Variants in AP2A2 observed in about 807,000 individuals in gnomAD.
AP2A2 encodes the protein adaptor related protein complex 2 subunit alpha 2.
AP2A2 carries 32 observed loss-of-function variants against 104.2 expected under a neutral mutation model. The ratio of observed to expected loss-of-function variants is 0.31; its 90% CI spans 0.23 to 0.41. AP2A2 has a LOEUF of 0.41. Ranked by LOEUF, AP2A2 falls within the 10% of genes least tolerant of loss-of-function variation. The probability of loss-of-function intolerance (pLI) is 1.00; values close to 1 mark genes in which losing one functional copy is unlikely to be tolerated. For missense variants in AP2A2, 912 were observed against 1,261.0 expected, an observed-to-expected ratio of 0.72 and a Z score of 4.19; for synonymous variants, 539 against 533.3, an observed-to-expected ratio of 1.01 and a Z score of -0.15.
chr11:1,010,762 C>A lies in AP2A2; in HGVS notation c.*137C>A, dbSNP rs1237442295. ...GCCTCCCCGCCCCGCCGCCCCACAC[C>A]TCTCCCCTTTGGGCTGGACGGGAAC... is the stretch of plus-strand genomic sequence containing the variant. On this transcript the variant is annotated 3_prime_UTR_variant, in exon 22 of 22. Coordinates refer to ENST00000448903, the MANE Select transcript of AP2A2 (RefSeq NM_012305.4). The A allele has an allele frequency of 8.9e-5, 67 of 750,484 alleles. No homozygotes were observed. The highest frequency in any genetic ancestry group is 4.7e-6 in the Non-Finnish European group (2 of 427,608). 46.5% of individuals were successfully genotyped at this position (750,484 alleles called of 1,614,324 possible).
chr11:954,722 GGT>G (rs56329960), intron 1 of AP2A2, among the ~76,000 whole-genome samples: 15 of 150,762 alleles, frequency 9.9e-5, no homozygotes, highest in African/African-American at 2.2e-4. Flanking sequence ...GTGTGTATTT[GGT>G]GTGTGTGTGT....
chr11:951,435 G>C (rs1264410836), intron 1 of AP2A2, among the ~76,000 whole-genome samples: 1 of 151,548 alleles, frequency 6.6e-6, no homozygotes, highest in Non-Finnish European at 1.5e-5. Context: ...GCTGAGGCAG[G>C]AGAATTGCTT....
At chr11:977,008 G>A (rs993161820) in intron 4 of AP2A2, 87 bp from the exon 5 acceptor site, 22 of 1,567,746 alleles carry the variant, frequency 1.4e-5, no homozygotes, top group African/African-American at 6.8e-5. Context: ...CCACCCCCGC[G>A]TCTCCTGCTG....
chr11:949,889 A>G (rs1207099102), intron 1 of AP2A2, among the ~76,000 whole-genome samples: 1 of 152,206 alleles, frequency 6.6e-6, no homozygotes, highest in African/African-American at 2.4e-5. Flanking sequence ...TCATATTAAT[A>G]CCATAAAGGA....
chr11:1,007,544 T>G (rs996448744), intron 17 of AP2A2: 1 of 182,894 alleles, frequency 5.5e-6, no homozygotes, highest in African/African-American at 2.4e-5. Context: ...GCTGTCACTG[T>G]TTCTTCAGGA....
intron 5 of AP2A2, among the ~76,000 whole-genome samples, 165 bp from the exon 6 acceptor site, chr11:981,033 T>C (rs1458400661): frequency 6.6e-6 from 1 of 152,220 alleles, no homozygotes; most frequent in African/African-American, 2.4e-5. Context: ...AATCTGCATG[T>C]GCCATCTGGG....
chr11:940,863 C>T (rs761865281), intron 1 of AP2A2: 7 of 456,192 alleles, frequency 1.5e-5, no homozygotes, highest in South Asian at 1.1e-4. Flanking sequence ...TTCAGTTCTT[C>T]CAGAGGACTC....
At chr11:954,017 T>C (rs967688230) in intron 1 of AP2A2, among the ~76,000 whole-genome samples, 3 of 152,074 alleles carry the variant, frequency 2.0e-5, no homozygotes, top group Admixed American at 6.6e-5. Flanking sequence ...GTATTTTTAG[T>C]AGAGACGAGG....
intron 6 of AP2A2, among the ~76,000 whole-genome samples, chr11:984,441 C>T (rs774735998): frequency 2.0e-5 from 3 of 152,180 alleles, no homozygotes; most frequent in Admixed American, 6.5e-5. Flanking sequence ...CACTCAGCTG[C>T]GGCAGCGTGT....
At chr11:942,440 T>C (rs1853686363) in intron 1 of AP2A2, 1 of 152,258 alleles carries the variant, frequency 6.6e-6, no homozygotes, top group Admixed American at 6.5e-5. Context: ...TGTAGTGCTC[T>C]GAAACCTAGA....
intron 16 of AP2A2, 29 bp from the exon 17 acceptor site, chr11:1,006,499 T>C: frequency 6.8e-7 from 1 of 1,481,478 alleles, no homozygotes; most frequent in Non-Finnish European, 9.4e-7. Flanking sequence ...AAATGGTGTG[T>C]GTGAAAAAAT....
chr11:938,185 G>A (rs1039822898), intron 1 of AP2A2, among the ~76,000 whole-genome samples: 1 of 152,150 alleles, frequency 6.6e-6, no homozygotes, highest in African/African-American at 2.4e-5. Context: ...CCTGTGTGCC[G>A]GCTGGTGCCG....
chr11:938,240 G>A (rs543294659), intron 1 of AP2A2, among the ~76,000 whole-genome samples: 5 of 152,078 alleles, frequency 3.3e-5, no homozygotes, highest in Non-Finnish European at 7.4e-5. Context: ...TGGCTACACC[G>A]ACCCTCCCTG....
At chr11:973,986 T>TG (rs1015336525) in intron 4 of AP2A2, among the ~76,000 whole-genome samples, 1 of 152,166 alleles carries the variant, frequency 6.6e-6, no homozygotes, top group Non-Finnish European at 1.5e-5. Context: ...TGCAGATTGA[T>TG]GAAGTGGGGC....
intron 1 of AP2A2, among the ~76,000 whole-genome samples, chr11:944,593 CAGAG>C (rs1460821617): frequency 6.6e-6 from 1 of 152,016 alleles, no homozygotes; most frequent in Non-Finnish European, 1.5e-5. Flanking sequence ...ATAAACACAA[CAGAG>C]AGATATTAAG....
chr11:926,258 G>T (rs1255570695), intron 1 of AP2A2, among the ~76,000 whole-genome samples, 170 bp downstream of exon 1: 2 of 147,710 alleles, frequency 1.4e-5, no homozygotes, highest in Non-Finnish European at 3.0e-5. Flanking sequence ...ACCGGGTCTG[G>T]GGGTGGGGGC....
At chr11:1,003,686 C>A (rs1238168193) in intron 15 of AP2A2, 36 bp from the exon 16 acceptor site, 3 of 1,416,650 alleles carry the variant, frequency 2.1e-6, no homozygotes, top group Non-Finnish European at 2.9e-6. Flanking sequence ...CTGCAGGTGG[C>A]TTTGAGTGAC....
At chr11:967,639 C>T (rs191188719) in intron 2 of AP2A2, among the ~76,000 whole-genome samples, 1 of 152,250 alleles carries the variant, frequency 6.6e-6, no homozygotes, top group Admixed American at 6.5e-5. Context: ...GGATTACAGG[C>T]GTGAGCCACC....
chr11:984,344 C>T (rs1239559448), intron 6 of AP2A2, among the ~76,000 whole-genome samples: 1 of 152,138 alleles, frequency 6.6e-6, no homozygotes, highest in Non-Finnish European at 1.5e-5. Flanking sequence ...AGCTCTCTCT[C>T]TGATTTCATT....
Sources: allele counts gnomAD v4.1 joint callset (sites outside exome capture counted in the v4.1 genomes callset), GRCh38; gene constraint gnomAD v4.1.1; transcripts MANE v1.5; gene names NCBI Gene and HGNC (gene_info 2026-07-23, HGNC 2026-07-21).